The following GPD1L variants were observed in gnomAD, a reference collection of about 807,000 sequenced individuals.
GPD1L encodes glycerol-3-phosphate dehydrogenase 1-like protein.
A neutral mutation model predicts 32.9 loss-of-function variants in GPD1L; 17 were observed. The observed-to-expected ratio is 0.52, with a 90% confidence interval of 0.35 to 0.78. The LOEUF (loss-of-function observed/expected upper bound fraction) is 0.78, where lower values mean the gene tolerates loss of function less well. Ranked by LOEUF, GPD1L falls within the 30% of genes least tolerant of loss-of-function variation. The probability of loss-of-function intolerance (pLI) is 0.01; values close to 1 mark genes in which losing one functional copy is unlikely to be tolerated. For synonymous variants in GPD1L, 187 were observed against 165.9 expected, an observed-to-expected ratio of 1.13 and a Z score of -0.98; for missense variants, 361 against 447.8, an observed-to-expected ratio of 0.81 and a Z score of 1.75.
chr3:32,131,148 T>C (rs1263768090), intron 2 of GPD1L, among the ~76,000 whole-genome samples: 1 of 152,204 alleles, frequency 6.6e-6, no homozygotes, highest in African/African-American at 2.4e-5. Flanking sequence ...AGAGGATTCT[T>C]TTGCTTCCCT....
At chr3:32,139,423 A>G (rs1700707774) in intron 3 of GPD1L, among the ~76,000 whole-genome samples, 1 of 152,212 alleles carries the variant, frequency 6.6e-6, no homozygotes, top group Non-Finnish European at 1.5e-5. Context: ...TGCATTAATA[A>G]AACAGTGCAT....
chr3:32,115,449 C>T (rs1700314977), intron 1 of GPD1L, among the ~76,000 whole-genome samples: 1 of 152,328 alleles, frequency 6.6e-6, no homozygotes, highest in Non-Finnish European at 1.5e-5. Flanking sequence ...CTGGCTTCAC[C>T]TCTCATTATC....
chr3:32,130,735 G>C (rs539798816), intron 2 of GPD1L, among the ~76,000 whole-genome samples: 1 of 145,276 alleles, frequency 6.9e-6, no homozygotes, highest in African/African-American at 2.5e-5. Flanking sequence ...CTTTGGGACC[G>C]AGCGCAGTGG....
At chr3:32,124,916 T>C (rs917348872) in intron 1 of GPD1L, among the ~76,000 whole-genome samples, 2 of 151,990 alleles carry the variant, frequency 1.3e-5, no homozygotes, top group African/African-American at 4.8e-5. Flanking sequence ...GAGCAAGACA[T>C]TGTCTCAAAC....
At chr3:32,139,959 G>A (rs1161687490) in intron 3 of GPD1L, among the ~76,000 whole-genome samples, 2 of 152,194 alleles carry the variant, frequency 1.3e-5, no homozygotes, top group Non-Finnish European at 2.9e-5. Context: ...TTCACCCTGG[G>A]GAGCAGGGGT....
intron 7 of GPD1L, among the ~76,000 whole-genome samples, chr3:32,161,522 T>C (rs931244997): frequency 6.6e-6 from 1 of 152,176 alleles, no homozygotes; most frequent in African/African-American, 2.4e-5. Flanking sequence ...CTTGGCTGTT[T>C]AGTGAGACTC....
intron 6 of GPD1L, 120 bp from the exon 7 acceptor site, chr3:32,159,448 T>C (rs1429133109): frequency 1.4e-6 from 1 of 708,680 alleles, no homozygotes; most frequent in African/African-American, 2.0e-5. Context: ...CTGCACAGCA[T>C]AGCAAGACCC....
At chr3:32,131,515 C>G (rs1004846412) in intron 2 of GPD1L, among the ~76,000 whole-genome samples, 1 of 152,214 alleles carries the variant, frequency 6.6e-6, no homozygotes, top group African/African-American at 2.4e-5. Flanking sequence ...ATGCGGTCTT[C>G]TGTGACTGGC....
At chr3:32,157,002 G>C (rs188157527) in intron 5 of GPD1L, among the ~76,000 whole-genome samples, 199 of 152,182 alleles carry the variant, frequency 1.3e-3, no homozygotes, top group African/African-American at 4.5e-3. Flanking sequence ...TTGCTTTTTG[G>C]GGGGCATTGA....
intron 3 of GPD1L, 99 bp downstream of exon 3, chr3:32,138,826 G>A (rs991905342): frequency 4.7e-6 from 6 of 1,265,588 alleles, no homozygotes; most frequent in Non-Finnish European, 6.9e-6. Context: ...TGAAGGGGAA[G>A]TTGTGGCGGT....
chr3:32,107,742 A>G (rs2125464989), intron 1 of GPD1L, among the ~76,000 whole-genome samples: 1 of 152,206 alleles, frequency 6.6e-6, no homozygotes, highest in East Asian at 1.9e-4. Context: ...TGGCCCAGAA[A>G]GTACTTATTG....
intron 4 of GPD1L, among the ~76,000 whole-genome samples, chr3:32,141,022 C>T (rs114352184): frequency 5.3e-5 from 8 of 152,274 alleles, no homozygotes; most frequent in South Asian, 4.1e-4. Flanking sequence ...CTATATTAAA[C>T]GATGCTTTGT....
intron 7 of GPD1L, among the ~76,000 whole-genome samples, chr3:32,165,137 C>A (rs1421572244): frequency 6.6e-6 from 1 of 152,124 alleles, no homozygotes; most frequent in African/African-American, 2.4e-5. Flanking sequence ...ATCCAGGAGG[C>A]AGAGGTTGCA....
At position 32,121,565 on chromosome 3, in the gene GPD1L, GTATATATTTCTATA is replaced by G. The variant is rs1304798208; in HGVS notation, c.48-6477_48-6464del. Reference sequence around the variant, plus strand: ...TATATTTCTATATATATATTTCTATGTATATATTTCTATATATATATTTCTATATATATATTTCT... The same window carrying G: ...TATATTTCTATATATATATTTCTATGTATATATTTCTATATATATATTTCT... On this transcript the variant is annotated intron_variant, in intron 1 of 7. Transcript: ENST00000282541. Among the ~76,000 whole-genome samples, 69 of 66,128 alleles carry G rather than the reference GTATATATTTCTATA, an allele frequency of 1.0e-3. 9 individuals carry two copies. Among genetic ancestry groups the G allele is most frequent in the South Asian group, 1.3e-3 (2 of 1,556 alleles). The allele number at this position is 66,128 out of a possible 152,430, so 43.4% of individuals were successfully genotyped here. A position where few individuals can be genotyped will look rare whatever the true frequency, so the allele number is the denominator to read the frequency against.
At chr3:32,132,226 T>G (rs1700596019) in intron 2 of GPD1L, among the ~76,000 whole-genome samples, 1 of 152,240 alleles carries the variant, frequency 6.6e-6, no homozygotes, top group African/African-American at 2.4e-5. Flanking sequence ...CTTTTTACTC[T>G]GCTGTGAACT....
Position 32,128,160 on chromosome 3 carries a change from A to G in GPD1L, c.132A>G (p.Glu44=), listed in dbSNP as rs200273033. ...FASTVKMWVF[E]ETVNGRKLTD... is the part of the protein sequence containing the mutation. Reference sequence around the variant, plus strand: ...CCACAGTCAAGATGTGGGTCTTTGAAGAAACAGTGAATGGCAGAAAACTGA... The same window carrying G: ...CCACAGTCAAGATGTGGGTCTTTGAGGAAACAGTGAATGGCAGAAAACTGA... The change falls in exon 2 of 8, where the codon GAA becomes GAG. Residue 44 remains glutamate (E), a synonymous_variant. Transcript: ENST00000282541. 10 of 1,611,820 alleles carry G rather than the reference A, an allele frequency of 6.2e-6. No individual in the cohort carries two copies. Among genetic ancestry groups the G allele is most frequent in the Non-Finnish European group, 7.6e-6 (9 of 1,177,996 alleles).
At chr3:32,108,367 T>A (rs1700194178) in intron 1 of GPD1L, among the ~76,000 whole-genome samples, 1 of 151,834 alleles carries the variant, frequency 6.6e-6, no homozygotes, top group African/African-American at 2.4e-5. Context: ...ATTAGCCAGG[T>A]GTGGTGGCAG....
chr3:32,125,472 C>T (rs1293139307), intron 1 of GPD1L, among the ~76,000 whole-genome samples: 1 of 152,130 alleles, frequency 6.6e-6, no homozygotes, highest in Non-Finnish European at 1.5e-5. Context: ...TGCTTCTCAG[C>T]GGGGTTTGGT....
Position 32,168,361 on chromosome 3 carries a change from G to C in GPD1L, c.*2451G>C, listed in dbSNP as rs1701178279. The C allele has an allele frequency of 6.6e-6, 1 of 152,668 alleles. No individual in the cohort carries two copies. Among genetic ancestry groups the C allele is most frequent in the South Asian group, 2.1e-4 (1 of 4,838 alleles). The allele number at this position is 152,668 out of a possible 1,614,324, so 9.5% of individuals were successfully genotyped here. On this transcript the variant is annotated 3_prime_UTR_variant, in exon 8 of 8. Coordinates refer to ENST00000282541, the MANE Select transcript of GPD1L (RefSeq NM_015141.4). Reference sequence around the variant, plus strand: ...AGGGAGGGAGACACCTAGATTAGCAGCTCAATTTGTACTACTTCAGCCAAT... The same window carrying C: ...AGGGAGGGAGACACCTAGATTAGCACCTCAATTTGTACTACTTCAGCCAAT...
Sources: gnomAD v4.1 joint callset for allele counts (sites outside exome capture counted in the v4.1 genomes callset) on GRCh38, gnomAD v4.1.1 for gene constraint, MANE v1.5 for transcripts, NCBI Gene and HGNC (gene_info 2026-07-23, HGNC 2026-07-21) for gene names.